Variants in LINGO2 observed in about 807,000 individuals in gnomAD.
The protein encoded by LINGO2 is leucine rich repeat and Ig domain containing 2.
In LINGO2, 14 loss-of-function variants were observed where a neutral mutation model predicts 30.6. The observed-to-expected ratio is 0.46, with a 90% CI of 0.30 to 0.72. The LOEUF (loss-of-function observed/expected upper bound fraction) is 0.72. Among genes scored for constraint, LINGO2 ranks in the 30% least tolerant of loss-of-function variants. The probability of loss-of-function intolerance (pLI) is 0.07; values close to 1 mark genes in which losing one functional copy is unlikely to be tolerated. For synonymous variants in LINGO2, 317 were observed against 288.5 expected, an observed-to-expected ratio of 1.10 and a Z score of -1.00; for missense variants, 729 against 751.7, an observed-to-expected ratio of 0.97 and a Z score of 0.35.
intron 2 of LINGO2, among the ~76,000 whole-genome samples, chr9:28,414,933 A>C (rs1822908964): frequency 6.6e-6 from 1 of 152,170 alleles, no homozygotes; most frequent in Non-Finnish European, 1.5e-5. Context: ...GAGTTAAAAA[A>C]ATAAGGGGTT....
the LINGO2 span, among the ~76,000 whole-genome samples, chr9:28,813,513 A>C: frequency 5.3e-5 from 8 of 152,150 alleles, no homozygotes; most frequent in Non-Finnish European, 7.3e-5. Flanking sequence ...CGAGAGAACT[A>C]CTGTACAAAC....
chr9:28,775,487 G>A, the LINGO2 span, among the ~76,000 whole-genome samples: 2 of 152,128 alleles, frequency 1.3e-5, no homozygotes, highest in African/African-American at 2.4e-5. Context: ...ATACCAGCAT[G>A]GTTTGGAAGT....
At chr9:28,664,198 A>T in intron 1 of LINGO2, among the ~76,000 whole-genome samples, 1 of 152,196 alleles carries the variant, frequency 6.6e-6, no homozygotes, top group Non-Finnish European at 1.5e-5. Flanking sequence ...ATTAGTACCT[A>T]CTAGAAATTA....
At chr9:28,699,467 A>T in the LINGO2 span, among the ~76,000 whole-genome samples, 1 of 152,138 alleles carries the variant, frequency 6.6e-6, no homozygotes, top group South Asian at 2.1e-4. Context: ...TCATCTCAGG[A>T]TCACTGTGAT....
chr9:28,082,633 T>A (rs1825804371), intron 4 of LINGO2, among the ~76,000 whole-genome samples: 2 of 152,146 alleles, frequency 1.3e-5, no homozygotes, highest in Admixed American at 6.6e-5. Flanking sequence ...CCATAATTAG[T>A]TTTTCTAATC....
chr9:28,681,067 G>C, the LINGO2 span, among the ~76,000 whole-genome samples: 2 of 152,038 alleles, frequency 1.3e-5, no homozygotes, highest in African/African-American at 4.8e-5. Flanking sequence ...TAGTTTTGAA[G>C]TTTCACGTCT....
the LINGO2 span, among the ~76,000 whole-genome samples, chr9:28,829,031 C>A: frequency 1.3e-5 from 2 of 152,072 alleles, no homozygotes; most frequent in African/African-American, 4.8e-5. Flanking sequence ...CCAAAACCAC[C>A]CATGGCCCGT....
At chr9:28,889,354 T>C in the LINGO2 span, among the ~76,000 whole-genome samples, 1 of 152,106 alleles carries the variant, frequency 6.6e-6, no homozygotes, top group Non-Finnish European at 1.5e-5. Context: ...CAAAGGGAAC[T>C]ACGAGATCAG....
the LINGO2 span, among the ~76,000 whole-genome samples, chr9:28,712,069 A>G: frequency 6.6e-6 from 1 of 152,114 alleles, no homozygotes; most frequent in Non-Finnish European, 1.5e-5. Flanking sequence ...AAAAAGATTT[A>G]AGAAATACTC....
chr9:29,207,809 C>T, the LINGO2 span, among the ~76,000 whole-genome samples: 1 of 151,968 alleles, frequency 6.6e-6, no homozygotes, highest in Admixed American at 6.6e-5. Flanking sequence ...CTAGTGAATA[C>T]ATTTAGAAAA....
intron 4 of LINGO2, among the ~76,000 whole-genome samples, chr9:28,019,428 G>A (rs1246102781): frequency 2.0e-5 from 3 of 151,694 alleles, no homozygotes; most frequent in Non-Finnish European, 4.4e-5. Context: ...AGGAAGATTA[G>A]AACCCTAATC....
chr9:28,349,027 G>C (rs1333053932), intron 3 of LINGO2, among the ~76,000 whole-genome samples: 1 of 150,358 alleles, frequency 6.7e-6, no homozygotes, highest in Non-Finnish European at 1.5e-5. Context: ...ACCAAAAGTA[G>C]ATAAAACCAC....
chr9:28,237,867 A>G (rs1044696065), intron 4 of LINGO2, among the ~76,000 whole-genome samples: 1 of 152,100 alleles, frequency 6.6e-6, no homozygotes, highest in African/African-American at 2.4e-5. Context: ...AACACACACA[A>G]AAACAAACAA....
At chr9:27,966,718 C>G (rs750568912) in intron 5 of LINGO2, among the ~76,000 whole-genome samples, 1 of 151,976 alleles carries the variant, frequency 6.6e-6, no homozygotes, top group Non-Finnish European at 1.5e-5. Flanking sequence ...GCACACGTAT[C>G]CCAGAATTTA....
At chr9:28,399,998 A>C (rs1376189740) in intron 2 of LINGO2, among the ~76,000 whole-genome samples, 2 of 152,178 alleles carry the variant, frequency 1.3e-5, no homozygotes, top group Admixed American at 6.5e-5. Context: ...GGTGTCCAAA[A>C]AGCAGTCAGT....
chr9:29,044,204 A>G, the LINGO2 span, among the ~76,000 whole-genome samples: 3 of 152,010 alleles, frequency 2.0e-5, no homozygotes, highest in Admixed American at 2.0e-4. Context: ...TATAACATGG[A>G]TGGCACAATG....
the LINGO2 span, among the ~76,000 whole-genome samples, chr9:28,952,065 T>C: frequency 6.6e-6 from 1 of 152,024 alleles, no homozygotes; most frequent in Non-Finnish European, 1.5e-5. Context: ...AACACATTTG[T>C]CAGATAAGTG....
the LINGO2 span, among the ~76,000 whole-genome samples, chr9:28,998,630 A>C: frequency 6.6e-6 from 1 of 152,098 alleles, no homozygotes; most frequent in Non-Finnish European, 1.5e-5. Flanking sequence ...GGTACATCCT[A>C]GATAGGAAAG....
chr9:27,967,659 CTATTTA>C (rs1312189706), intron 5 of LINGO2, among the ~76,000 whole-genome samples: 14 of 152,248 alleles, frequency 9.2e-5, no homozygotes, highest in African/African-American at 2.6e-4. Flanking sequence ...GTCTATCTAT[CTATTTA>C]TATCAACTAT....
Sources: allele counts gnomAD v4.1 joint callset (sites outside exome capture counted in the v4.1 genomes callset), GRCh38; gene constraint gnomAD v4.1.1; transcripts MANE v1.5; gene names NCBI Gene and HGNC (gene_info 2026-07-23, HGNC 2026-07-21).